FRMPD4: variants seen among roughly 807,000 people sequenced by gnomAD.
FRMPD4 encodes the protein FERM and PDZ domain-containing protein 4.
A neutral mutation model predicts 94.1 loss-of-function variants in FRMPD4; 22 were observed. That is an observed-to-expected ratio of 0.23 (90% CI 0.17 to 0.33). The LOEUF (loss-of-function observed/expected upper bound fraction) is 0.33. FRMPD4 is among the 10% of genes least tolerant of loss of function. The probability of loss-of-function intolerance (pLI) is 1.00; values close to 1 mark genes in which losing one functional copy is unlikely to be tolerated. For synonymous variants in FRMPD4, 631 were observed against 548.6 expected, an observed-to-expected ratio of 1.15 and a Z score of -2.10; for missense variants, 1,111 against 1,339.9, an observed-to-expected ratio of 0.83 and a Z score of 2.67.
chrX:11,888,423 T>C (rs2053857557), intron 3 of FRMPD4, among the ~76,000 whole-genome samples: 1 of 112,430 alleles, frequency 8.9e-6, no homozygotes, highest in African/African-American at 3.2e-5. Flanking sequence ...TTTAGTGAAA[T>C]TATGTGTGCC....
intron 2 of FRMPD4, among the ~76,000 whole-genome samples, chrX:12,567,077 A>G (rs963438647): frequency 2.7e-5 from 3 of 110,968 alleles, no homozygotes; most frequent in Non-Finnish European, 5.7e-5. Context: ...TAGTGTGGGG[A>G]AAAAAAACAC....
intron 4 of FRMPD4, among the ~76,000 whole-genome samples, chrX:12,619,786 TC>T (rs1180765833): frequency 8.9e-6 from 1 of 111,919 alleles, no homozygotes; most frequent in Non-Finnish European, 1.9e-5. Context: ...CTGCGAGCAG[TC>T]CCACCTGTCC....
intron 3 of FRMPD4, among the ~76,000 whole-genome samples, chrX:11,967,590 T>C (rs1340811403): frequency 9.0e-6 from 1 of 111,361 alleles, no homozygotes; most frequent in African/African-American, 3.3e-5. Context: ...ATTTTTACAA[T>C]GAGCACCTGC....
At chrX:11,917,210 G>C (rs940119613) in intron 3 of FRMPD4, among the ~76,000 whole-genome samples, 1 of 112,256 alleles carries the variant, frequency 8.9e-6, no homozygotes, top group Non-Finnish European at 1.9e-5. Context: ...ACATCAGTCA[G>C]AATGGCTATT....
intron 1 of FRMPD4, among the ~76,000 whole-genome samples, chrX:11,823,144 C>A (rs143517835): frequency 2.3e-3 from 252 of 110,591 alleles, no homozygotes; most frequent in Non-Finnish European, 3.2e-3. Context: ...TGATAGAAAC[C>A]TGTTCTGTCA....
At chrX:12,340,587 G>A (rs1399804174) in intron 1 of FRMPD4, among the ~76,000 whole-genome samples, 1 of 111,650 alleles carries the variant, frequency 9.0e-6, no homozygotes, top group Non-Finnish European at 1.9e-5. Flanking sequence ...CTCTTTGTGA[G>A]GTCGGCCACT....
At position 12,378,238 on chromosome X, in the gene FRMPD4, T is replaced by C. The variant is rs753512645; in HGVS notation, c.42-120442T>C. ...AAAACTCCTCTGGAGAGGAAATTGG[T>C]ATTGTATTTTAGTCGTTGTTCTTCT... On this transcript the variant is annotated intron_variant, in intron 1 of 16. Coordinates refer to ENST00000675598, the MANE Select transcript of FRMPD4 (RefSeq NM_001368397.1). 3.7e-3 allele frequency among the ~76,000 whole-genome samples: 413 copies of C among 112,292 alleles called. 3 individuals are homozygous for C. Among genetic ancestry groups the C allele is most frequent in the African/African-American group, 0.013 (394 of 30,961 alleles).
At chrX:12,254,320 T>C (rs1286903713) in intron 1 of FRMPD4, among the ~76,000 whole-genome samples, 2 of 112,397 alleles carry the variant, frequency 1.8e-5, no homozygotes, top group African/African-American at 6.5e-5. Context: ...AGTCTAGTCC[T>C]GAGGCTGGTG....
At chrX:12,686,008 C>A in intron 6 of FRMPD4, 89 bp from the exon 7 acceptor site, 1 of 430,631 alleles carries the variant, frequency 2.3e-6, no homozygotes, top group Admixed American at 3.7e-5. Flanking sequence ...TAATGCCATG[C>A]TTAGAATAAA....
chrX:12,160,496 G>A (rs2056007573), intron 1 of FRMPD4, among the ~76,000 whole-genome samples: 1 of 111,872 alleles, frequency 8.9e-6, no homozygotes, highest in Non-Finnish European at 1.9e-5. Context: ...TGTTGCTGGA[G>A]TAATGTGTTG....
chrX:12,661,608 C>G (rs141044531), intron 4 of FRMPD4, among the ~76,000 whole-genome samples: 55 of 111,949 alleles, frequency 4.9e-4, no homozygotes, highest in Non-Finnish European at 8.5e-4. Context: ...TTTGCAGGTA[C>G]CAGGGTGGAA....
rs189750836 is a variant in FRMPD4 at position 12,700,288 on chromosome X, G to A, written c.934-1586G>A. 8.9e-5 allele frequency among the ~76,000 whole-genome samples: 10 copies of A among 111,732 alleles called. No homozygotes were observed. In the Admixed American group the frequency reaches 9.5e-4, roughly 11 times the overall value. On this transcript the variant is annotated intron_variant, in intron 9 of 16. Coordinates refer to ENST00000675598, the MANE Select transcript of FRMPD4 (RefSeq NM_001368397.1). The stretch of plus-strand genomic sequence containing the variant: ...TTGAGCTCCAACAAAATATTCTTGG[G>A]GCAAGCCAAAGAATAAAGAAAAGGA...
At chrX:12,537,686 A>C (rs2058355723) in intron 2 of FRMPD4, among the ~76,000 whole-genome samples, 1 of 108,816 alleles carries the variant, frequency 9.2e-6, no homozygotes, top group Admixed American at 9.9e-5. Context: ...TCCTGGGTTC[A>C]AGCAATTCCC....
intron 1 of FRMPD4, among the ~76,000 whole-genome samples, chrX:12,350,220 A>G (rs2055780612): frequency 8.9e-6 from 1 of 111,964 alleles, no homozygotes; most frequent in Non-Finnish European, 1.9e-5. Context: ...AGAAGGAGGG[A>G]GAAATATTTT....
intron 3 of FRMPD4, among the ~76,000 whole-genome samples, chrX:11,884,023 G>A (rs773999400): frequency 9.0e-6 from 1 of 111,576 alleles, no homozygotes; most frequent in African/African-American, 3.3e-5. Context: ...TCATCTTAGG[G>A]CCTCATCTCC....
At chrX:12,557,062 C>T (rs1391870466) in intron 2 of FRMPD4, among the ~76,000 whole-genome samples, 1 of 111,844 alleles carries the variant, frequency 8.9e-6, no homozygotes, top group Non-Finnish European at 1.9e-5. Flanking sequence ...ACCTGGGCCT[C>T]CCAAAGTGCT....
intron 1 of FRMPD4, among the ~76,000 whole-genome samples, chrX:12,263,027 G>A (rs1272440711): frequency 9.0e-6 from 1 of 111,590 alleles, no homozygotes; most frequent in Non-Finnish European, 1.9e-5. Flanking sequence ...GCCTTATTTT[G>A]TTATTTCTAC....
At chrX:12,596,693 C>A (rs1009831798) in intron 2 of FRMPD4, among the ~76,000 whole-genome samples, 19 of 110,763 alleles carry the variant, frequency 1.7e-4, no homozygotes, top group Non-Finnish European at 3.6e-4. Flanking sequence ...AGATCCCTAC[C>A]CCTGGATCCT....
intron 2 of FRMPD4, among the ~76,000 whole-genome samples, chrX:12,587,265 G>A (rs1211215300): frequency 4.5e-5 from 5 of 111,760 alleles, no homozygotes; most frequent in Non-Finnish European, 7.5e-5. Flanking sequence ...GTGAGCCACC[G>A]CACCTGGCCT....
Sources: allele counts gnomAD v4.1 joint callset (sites outside exome capture counted in the v4.1 genomes callset), GRCh38; gene constraint gnomAD v4.1.1; transcripts MANE v1.5; gene names NCBI Gene and HGNC (gene_info 2026-07-23, HGNC 2026-07-21).